Variants in SLC52A3 observed in about 807,000 individuals in gnomAD.
SLC52A3 encodes solute carrier family 52, riboflavin transporter, member 3.
A neutral mutation model predicts 29.5 loss-of-function variants in SLC52A3; 20 were observed. The ratio of observed to expected loss-of-function variants is 0.68; its 90% CI spans 0.48 to 0.99. The LOEUF is 0.99. Among genes scored for constraint, SLC52A3 ranks in the 50% least tolerant of loss-of-function variants. The pLI is 0.00. For synonymous variants in SLC52A3, 301 were observed against 271.0 expected, an observed-to-expected ratio of 1.11 and a Z score of -1.09; for missense variants, 548 against 612.9, an observed-to-expected ratio of 0.89 and a Z score of 1.12.
chr20:779,959 T>C (rs1315492765), upstream of SLC52A3, among the ~76,000 whole-genome samples: 2 of 152,224 alleles, frequency 1.3e-5, no homozygotes, highest in Non-Finnish European at 2.9e-5. Flanking sequence ...CCTCTTGAGG[T>C]TGCAAGATAA....
At chr20:775,126 A>G (rs963092905) in intron 1 of SLC52A3, among the ~76,000 whole-genome samples, 3 of 152,126 alleles carry the variant, frequency 2.0e-5, no homozygotes, top group Admixed American at 6.5e-5. Flanking sequence ...TTGGTGGAGC[A>G]GCCTCCCCCA....
chr20:772,608 GTTGT>G (rs1337602654), upstream of SLC52A3, among the ~76,000 whole-genome samples: 1 of 149,986 alleles, frequency 6.7e-6, no homozygotes, highest in Admixed American at 6.6e-5. Context: ...TTTTGTTGTT[GTTGT>G]TTGTTTGTTT....
Position 765,618 on chromosome 20 carries a change from T to G in SLC52A3, c.157A>C (p.Ile53Leu). 6.2e-7 allele frequency: 1 copy of G among 1,603,876 alleles called. No individual in the cohort carries two copies. Among genetic ancestry groups the G allele is most frequent in the Non-Finnish European group, 8.5e-7 (1 of 1,175,992 alleles). Residue 53 changes from isoleucine to leucine, a missense_variant, in exon 2 of 5, where the codon ATC (isoleucine) becomes CTC (leucine). By Grantham distance (5) the Ile-to-Leu change is conservative. Around this residue, in one of 2 missense-constraint regions of SLC52A3, gnomAD observed 375 missense variants for 471.1 expected, o/e 0.80. Transcript: ENST00000645534. This position sits in a 1 kb window ranked among gnomAD's most constrained non-coding sequence, Gnocchi z 6.6. ...YLTVVIQLAN[I>L]GPLLVTLLHH... ...AGCAGGGTGACCAGGAGGGGCCCGA[T>G]GTTGGCCAGCTGGATGACCACCGTG...
chr20:766,093 T>A, intron 1 of SLC52A3: 1 of 360,920 alleles, frequency 2.8e-6, no homozygotes, highest in Non-Finnish European at 5.2e-6. Context: ...CATGCCACCA[T>A]GCCAGCTAAT....
At position 760,820 on chromosome 20, in the gene SLC52A3, G is replaced by A. The variant is rs1056806468; in HGVS notation, c.*206C>T. 2 of 600,582 alleles carry A rather than the reference G, an allele frequency of 3.3e-6. No homozygotes were observed. Among genetic ancestry groups the A allele is most frequent in the East Asian group, 2.8e-5 (1 of 36,148 alleles). 37.2% of individuals were successfully genotyped at this position (600,582 alleles called of 1,614,324 possible). On this transcript the variant is annotated 3_prime_UTR_variant, in exon 5 of 5. Transcript: ENST00000645534. The surrounding 1 kb of genome is among the most constrained non-coding windows in gnomAD (Gnocchi z 4.9). Reference sequence around the variant, plus strand: ...AAAGCAAAGGAGATCTGAGCTGGTCGTCACAGGTAGTGTGACACAGAGTTG... The same window carrying A: ...AAAGCAAAGGAGATCTGAGCTGGTCATCACAGGTAGTGTGACACAGAGTTG...
upstream of SLC52A3, among the ~76,000 whole-genome samples, chr20:776,855 T>C (rs805846): frequency 0.9 from 129,674 of 144,092 alleles, 58,961 homozygotes; most frequent in Non-Finnish European, 0.98. Context: ...TGAATCGCTT[T>C]TGGGGGGGGG....
At chr20:768,900 C>T (rs1156502412), upstream of SLC52A3, among the ~76,000 whole-genome samples, 1 of 152,184 alleles carries the variant, frequency 6.6e-6, no homozygotes, top group African/African-American at 2.4e-5. Context: ...AGCACCAGCC[C>T]CCTCTGCTGT....
rs1229887026 is a variant in SLC52A3 at position 763,776 on chromosome 20, G to T, written c.795C>A (p.Ile265=). Residue 265 remains isoleucine (I), a synonymous_variant, in exon 3 of 5, where the codon ATC becomes ATA. Coordinates refer to ENST00000645534, the MANE Select transcript of SLC52A3 (RefSeq NM_033409.4). ...CCAAGTCATTCTCTTCCCGCGGCCG[G>T]ATGGAGTGGAGGGTGACCTGGTCAT... ...LLNDQVTLHS[I]RPREENDLGP... is the part of the protein sequence containing the mutation. The T allele has an allele frequency of 3.7e-6, 6 of 1,614,046 alleles. No homozygotes were observed. The highest frequency in any genetic ancestry group is 5.1e-6 in the Non-Finnish European group (6 of 1,180,014).
upstream of SLC52A3, among the ~76,000 whole-genome samples, chr20:770,267 G>C (rs1302759775): frequency 6.6e-6 from 1 of 151,300 alleles, no homozygotes; most frequent in Non-Finnish European, 1.5e-5. This position sits in a 1 kb window ranked among gnomAD's most constrained non-coding sequence, Gnocchi z 4.5. Context: ...AGCAGTTCTC[G>C]TGCCTCAGTC....
intron 4 of SLC52A3, chr20:761,461 G>A (rs574742092): frequency 6.7e-6 from 5 of 742,018 alleles, no homozygotes; most frequent in Non-Finnish European, 1.1e-5. Context: ...CATGATCAGG[G>A]CAAGGGCCCT....
In SLC52A3 at chr20:765,482, C is replaced by A. The variant is rs1486271481; in HGVS notation, c.293G>T (p.Trp98Leu). 1 of 1,597,556 alleles carries A rather than the reference C, an allele frequency of 6.3e-7. No individual in the cohort carries two copies. ...GATGCTGTGGTGGCCGTCCAGCACC[C>A]AGGAGGTCATATTCCAGAGGAAGGC... The part of the protein sequence containing the change: ...IFAFLWNMTS[W>L]VLDGHHSIAF... Residue 98 changes from tryptophan (W) to leucine (L), a missense_variant, in exon 2 of 5, where the codon TGG becomes TTG. Physicochemically the swap from Trp to Leu is moderately conservative, Grantham distance 61. Coordinates refer to ENST00000645534, the MANE Select transcript of SLC52A3 (RefSeq NM_033409.4). The surrounding 1 kb of genome is among the most constrained non-coding windows in gnomAD (Gnocchi z 6.6).
At chr20:766,087 C>T (rs1477697027) in intron 1 of SLC52A3, 4 of 377,386 alleles carry the variant, frequency 1.1e-5, no homozygotes, top group Non-Finnish European at 2.0e-5. Flanking sequence ...CAGGTGCATG[C>T]CACCATGCCA....
At chr20:763,388 A>G (rs8122333) in intron 3 of SLC52A3, 110 bp downstream of exon 3, 62 of 1,456,630 alleles carry the variant, frequency 4.3e-5, no homozygotes, top group Non-Finnish European at 5.6e-5. Context: ...GTGCTCCCCA[A>G]ACATGTTCTT....
Position 765,131 on chromosome 20 carries a change from G to A in SLC52A3, c.567+77C>T, listed in dbSNP as rs1986630135. On this transcript the variant is annotated intron_variant, in intron 2 of 4. Transcript: ENST00000645534. The surrounding 1 kb of genome is among the most constrained non-coding windows in gnomAD (Gnocchi z 6.6). ...GGCCGACCAAAGAACCTAGAAGGAT[G>A]GAGGTGAGCAGTTTTTCCCTCCCCT... 6.6e-7 allele frequency: 1 copy of A among 1,511,592 alleles called. No homozygotes were observed. The allele number at this position is 1,511,592 out of a possible 1,614,324, so 93.6% of individuals were successfully genotyped here. A position where few individuals can be genotyped will look rare whatever the true frequency, so the allele number is the denominator to read the frequency against.
chr20:776,085 C>G (rs1477540719), upstream of SLC52A3: 1 of 152,344 alleles, frequency 6.6e-6, no homozygotes, highest in Non-Finnish European at 1.5e-5. Flanking sequence ...CAAGACCAGG[C>G]GCCTACTATG....
intron 1 of SLC52A3, among the ~76,000 whole-genome samples, chr20:767,053 A>G (rs191044845): frequency 1.1e-4 from 16 of 152,186 alleles, no homozygotes; most frequent in Non-Finnish European, 1.6e-4. Flanking sequence ...GTTATGGGAA[A>G]TTTTCTCCTG....
At chr20:762,539 T>C (rs1457186958) in intron 3 of SLC52A3, among the ~76,000 whole-genome samples, 4 of 152,170 alleles carry the variant, frequency 2.6e-5, no homozygotes, top group Non-Finnish European at 4.4e-5. Context: ...ACGCCCTGGG[T>C]AAGAACAGAC....
At chr20:778,639 T>A (rs929922921), upstream of SLC52A3, among the ~76,000 whole-genome samples, 1 of 152,136 alleles carries the variant, frequency 6.6e-6, no homozygotes, top group Non-Finnish European at 1.5e-5. Context: ...TAAAAAAAAA[T>A]TGCAGGACTC....
intron 1 of SLC52A3, among the ~76,000 whole-genome samples, chr20:773,867 C>T (rs13042395): frequency 0.063 from 9,557 of 152,292 alleles, 705 homozygotes; most frequent in East Asian, 0.42. Context: ...AGTGCACCGT[C>T]ATTGTGTGGG....
Sources: allele counts gnomAD v4.1 joint callset (sites outside exome capture counted in the v4.1 genomes callset), GRCh38; gene constraint gnomAD v4.1.1; regional missense constraint gnomAD v4.1.1; non-coding constraint Gnocchi (gnomAD v3.1); transcripts MANE v1.5; gene names NCBI Gene and HGNC (gene_info 2026-07-23, HGNC 2026-07-21).